The following METTL1 variants were observed in gnomAD, a reference collection of about 807,000 sequenced individuals.
METTL1 encodes tRNA (guanine-N(7)-)-methyltransferase.
METTL1 carries 14 observed loss-of-function variants against 27.7 expected under a neutral mutation model. That is an observed-to-expected ratio of 0.51 (90% CI 0.33 to 0.79). The LOEUF (loss-of-function observed/expected upper bound fraction) is 0.79. Ranked by LOEUF, METTL1 falls within the 30% of genes least tolerant of loss-of-function variation. METTL1 has a pLI of 0.02. For missense variants in METTL1, 333 were observed against 359.6 expected, an observed-to-expected ratio of 0.93 and a Z score of 0.60; for synonymous variants, 138 against 137.0, an observed-to-expected ratio of 1.01 and a Z score of -0.05.
intron 4 of METTL1, 79 bp downstream of exon 4, chr12:57,769,486 A>G: frequency 6.3e-7 from 1 of 1,585,806 alleles, no homozygotes; most frequent in Non-Finnish European, 8.6e-7. Flanking sequence ...GTGAGTCCCT[A>G]AATGCACCCC....
chr12:57,771,703 A>G, intron 1 of METTL1: 1 of 1,476,718 alleles, frequency 6.8e-7, no homozygotes, highest in Middle Eastern at 1.7e-4. Context: ...TGGAAACGAC[A>G]TTCTGCCTCT....
At chr12:57,771,318 C>T (rs1955428051) in intron 1 of METTL1, 61 bp from the exon 2 acceptor site, 2 of 947,494 alleles carry the variant, frequency 2.1e-6, no homozygotes, top group Non-Finnish European at 1.6e-6. Context: ...AGAAGTGGTA[C>T]TGTGAGAGTG....
rs773064929 is a variant in METTL1, at chr12:57,772,103, T to C, written c.-20A>G. Reference sequence around the variant, plus strand: ...TGCCATGATCCCAGTCCGGGGTTTCTCTACCAAATCCACGTGGAGGCGCAG... The same window carrying C: ...TGCCATGATCCCAGTCCGGGGTTTCCCTACCAAATCCACGTGGAGGCGCAG... On this transcript the variant is annotated 5_prime_UTR_variant, in exon 1 of 6. Coordinates refer to ENST00000324871, the MANE Select transcript of METTL1 (RefSeq NM_005371.6). This position sits in a 1 kb window ranked among gnomAD's most constrained non-coding sequence, Gnocchi z 4.1. The C allele has an allele frequency of 1.9e-6, 3 of 1,571,356 alleles. No homozygotes were observed. Among genetic ancestry groups the C allele is most frequent in the Non-Finnish European group, 2.6e-6 (3 of 1,165,440 alleles).
Position 57,769,953 on chromosome 12 carries a change from T to G in METTL1, c.278A>C (p.Glu93Ala). The G allele has an allele frequency of 6.2e-7, 1 of 1,602,832 alleles. No individual in the cohort carries two copies. Among genetic ancestry groups the G allele is most frequent in the African/African-American group, 1.3e-5 (1 of 74,830 alleles). Residue 93 changes from glutamate to alanine, a missense_variant, in exon 3 of 6, where the codon GAA becomes GCA. Physicochemically the swap from Glu to Ala is moderately radical, Grantham distance 107. Coordinates refer to ENST00000324871, the MANE Select transcript of METTL1 (RefSeq NM_005371.6). Reference sequence around the variant, plus strand: ...TGTGTCTGGGAACAGCGGTGACAGTTCCACTGCACACAGAAATAGCAATGG... The same window carrying G: ...TGTGTCTGGGAACAGCGGTGACAGTGCCACTGCACACAGAAATAGCAATGG... ...IGCGYGGLLV[E>A]LSPLFPDTLI...
rs1281409750 is a variant in METTL1, at chr12:57,769,971, A to G, written c.275-15T>C. 5 of 1,588,108 alleles carry G rather than the reference A, an allele frequency of 3.1e-6. No homozygotes were observed. In the African/African-American group the frequency reaches 6.7e-5, roughly 21 times the overall value. Reference sequence around the variant, plus strand: ...TGACAGTTCCACTGCACACAGAAATAGCAATGGAATCATCAACCATATACT... The same window carrying G: ...TGACAGTTCCACTGCACACAGAAATGGCAATGGAATCATCAACCATATACT... On this transcript the variant is annotated splice_polypyrimidine_tract_variant and intron_variant, in intron 2 of 5. Transcript: ENST00000324871.
At chr12:57,770,602 T>A (rs1375509043) in intron 2 of METTL1, 1 of 161,636 alleles carries the variant, frequency 6.2e-6, no homozygotes, top group Non-Finnish European at 1.4e-5. Context: ...GGCTGTTATC[T>A]GTTTGGGAAG....
intron 1 of METTL1, chr12:57,771,655 T>C (rs539158194): frequency 6.6e-7 from 1 of 1,523,570 alleles, no homozygotes; most frequent in African/African-American, 1.4e-5. Flanking sequence ...GTGTATATGT[T>C]TGCCTTTTTA....
chr12:57,768,985 A>G lies in METTL1; in HGVS notation c.*11T>C, dbSNP rs199565614. 1 of 1,594,312 alleles carries G rather than the reference A, an allele frequency of 6.3e-7. No homozygotes were observed. The highest frequency in any genetic ancestry group is 2.3e-5 in the East Asian group (1 of 44,346). On this transcript the variant is annotated 3_prime_UTR_variant, in exon 6 of 6. Coordinates refer to ENST00000324871, the MANE Select transcript of METTL1 (RefSeq NM_005371.6). ...CTGGGAGACGAGGTCCAGCTAAGGT[A>G]GAGTAAGCAGTCAGTGACCAGGCAG... is the stretch of plus-strand genomic sequence containing the variant.
chr12:57,771,690 A>G, intron 1 of METTL1: 5 of 1,499,240 alleles, frequency 3.3e-6, no homozygotes, highest in Non-Finnish European at 4.4e-6. Flanking sequence ...CAAAAGCAAA[A>G]GATGGAAACG....
chr12:57,771,024 C>T (rs1458119917), intron 2 of METTL1, 70 bp downstream of exon 2: 6 of 1,546,574 alleles, frequency 3.9e-6, no homozygotes, highest in African/African-American at 1.4e-5. Flanking sequence ...TATGACCCCC[C>T]ACAAAAGTTG....
chr12:57,771,381 T>A (rs1955429071), intron 1 of METTL1, 124 bp from the exon 2 acceptor site: 1 of 1,473,580 alleles, frequency 6.8e-7, no homozygotes, highest in Non-Finnish European at 9.0e-7. Flanking sequence ...TCAAAAATTC[T>A]GTAACACTGG....
Position 57,769,529 on chromosome 12 carries a change from GCCACTCACCCCATCATCCCTCCGATC to G in METTL1, c.573+10_573+35del. ...TTCTTAGTGAAGGGCCCCTGAGTAGGCCACTCACCCCATCATCCCTCCGATCCCAACTCACCCCAACTCTTAGCACG... is the reference window on the plus strand; with the variant it reads ...TTCTTAGTGAAGGGCCCCTGAGTAGGCCAACTCACCCCAACTCTTAGCACG... On this transcript the variant is annotated intron_variant, in intron 4 of 5. Transcript: ENST00000324871. The G allele has an allele frequency of 1.3e-6, 2 of 1,561,674 alleles. No homozygotes were observed. The highest frequency in any genetic ancestry group is 1.7e-6 in the Non-Finnish European group (2 of 1,149,354).
In METTL1 at chr12:57,769,197, T is replaced by C. The variant is rs2140400859; in HGVS notation, c.676-46A>G. 4 of 1,605,154 alleles carry C rather than the reference T, an allele frequency of 2.5e-6. No individual in the cohort carries two copies. The African/African-American group carries it at 4.0e-5, about 16-fold the overall frequency. ...ATAAGTCCTTGCCCACTGTTCAGAC[T>C]GCCCCTGGCCCTTAGACACCTATCC... On this transcript the variant is annotated intron_variant, in intron 5 of 5. Coordinates refer to ENST00000324871, the MANE Select transcript of METTL1 (RefSeq NM_005371.6).
At chr12:57,769,264 C>A in intron 5 of METTL1, 39 bp downstream of exon 5, 1 of 1,612,672 alleles carries the variant, frequency 6.2e-7, no homozygotes, top group East Asian at 2.2e-5. Flanking sequence ...CAGAACCACT[C>A]TGGAAAGGGC....
rs1461267463 is a variant in METTL1, at chr12:57,768,562, G to C, written c.*434C>G. On this transcript the variant is annotated 3_prime_UTR_variant, in exon 6 of 6. Transcript: ENST00000324871. ...TATGATACATACTCCACCCTTTCCTGAGAAATGGCAGAATAGGCATGTGTA... is the reference window on the plus strand; with the variant it reads ...TATGATACATACTCCACCCTTTCCTCAGAAATGGCAGAATAGGCATGTGTA... 1 of 166,280 alleles carries C rather than the reference G, an allele frequency of 6.0e-6. No homozygotes were observed. Among genetic ancestry groups the C allele is most frequent in the Non-Finnish European group, 1.3e-5 (1 of 76,238 alleles). 10.3% of individuals were successfully genotyped at this position (166,280 alleles called of 1,614,324 possible). A position where few individuals can be genotyped will look rare whatever the true frequency, so the allele number is the denominator to read the frequency against.
rs1347313668 is a variant in METTL1, at chr12:57,771,125, T to A, written c.243A>T (p.Ala81=). ...GGCCACCATAGCCACAGCCTATGTC[T>A]GCAAACTCCACTTGGGCCTGAGCTC... is the stretch of plus-strand genomic sequence containing the variant. The part of the protein sequence containing the change: ...EKRAQAQVEF[A]DIGCGYGGLL... Residue 81 remains alanine (A), a synonymous_variant, in exon 2 of 6, where the codon GCA becomes GCT. Transcript: ENST00000324871. The A allele has an allele frequency of 6.2e-7, 1 of 1,613,982 alleles. No homozygotes were observed. The highest frequency in any genetic ancestry group is 1.3e-5 in the African/African-American group (1 of 74,948).
In METTL1 at chr12:57,769,132, C is replaced by T; in HGVS notation, c.695G>A (p.Gly232Glu). Residue 232 changes from glycine to glutamate, a missense_variant, in exon 6 of 6, where the codon GGA becomes GAA. Coordinates refer to ENST00000324871, the MANE Select transcript of METTL1 (RefSeq NM_005371.6). Reference protein sequence around the residue: ...LEDLSEDPVVGHLGTSTEEGK... With the variant: ...LEDLSEDPVVEHLGTSTEEGK... ...CTCCTCAGTTGAGGTGCCTAGATGT[C>T]CCACAACGGGGTCTTCACTCTGGGA... 6.2e-7 allele frequency: 1 copy of T among 1,605,458 alleles called. No individual in the cohort carries two copies. Among genetic ancestry groups the T allele is most frequent in the Non-Finnish European group, 8.5e-7 (1 of 1,172,628 alleles).
rs1293312643 is a variant in METTL1 at position 57,772,068 on chromosome 12, G to C, written c.16C>G (p.Arg6Gly). The C allele has an allele frequency of 1.3e-6, 2 of 1,562,084 alleles. No individual in the cohort carries two copies. Among genetic ancestry groups the C allele is most frequent in the African/African-American group, 1.4e-5 (1 of 70,618 alleles). Residue 6 changes from arginine (R) to glycine (G), a missense_variant, in exon 1 of 6, where the codon CGG (arginine) becomes GGG (glycine). Physicochemically the swap from Arg to Gly is moderately radical, Grantham distance 125 (BLOSUM62 -2). Transcript: ENST00000324871. The surrounding 1 kb of genome is among the most constrained non-coding windows in gnomAD (Gnocchi z 4.1). Reference sequence around the variant, plus strand: ...GGGGCCTCTGCTCCGGCCACGTTCCGAGTCTCGGCTGCCATGATCCCAGTC... The same window carrying C: ...GGGGCCTCTGCTCCGGCCACGTTCCCAGTCTCGGCTGCCATGATCCCAGTC... MAAET[R>G]NVAGAEAPPP...
At chr12:57,769,989 C>T in intron 2 of METTL1, 33 bp from the exon 3 acceptor site, 1 of 1,565,544 alleles carries the variant, frequency 6.4e-7, no homozygotes, top group Non-Finnish European at 8.7e-7. Flanking sequence ...AATCATCAAC[C>T]ATATACTTGT....
Sources: allele counts gnomAD v4.1 joint callset, GRCh38; gene constraint gnomAD v4.1.1; non-coding constraint Gnocchi (gnomAD v3.1); transcripts MANE v1.5; gene names NCBI Gene and HGNC (gene_info 2026-07-23, HGNC 2026-07-21).